Variants in ZFAND3 observed in about 807,000 individuals in gnomAD.
ZFAND3 encodes zinc finger AN1-type containing 3.
In ZFAND3, 10 loss-of-function variants were observed where a neutral mutation model predicts 29.6. The ratio of observed to expected loss-of-function variants is 0.34; its 90% CI spans 0.21 to 0.57. The LOEUF (loss-of-function observed/expected upper bound fraction) is 0.57, where lower values mean the gene tolerates loss of function less well. Ranked by LOEUF, ZFAND3 falls within the 20% of genes least tolerant of loss-of-function variation. The probability of loss-of-function intolerance (pLI) is 0.86; values close to 1 mark genes in which losing one functional copy is unlikely to be tolerated. For synonymous variants in ZFAND3, 128 were observed against 112.6 expected (o/e 1.14, Z -0.87); for missense variants, 230 against 304.5 (o/e 0.76, Z 1.82).
intron 3 of ZFAND3, among the ~76,000 whole-genome samples, chr6:38,063,617 CAGAGT>C (rs1247290398): frequency 6.6e-6 from 1 of 152,108 alleles, no homozygotes; most frequent in Non-Finnish European, 1.5e-5. Flanking sequence ...ACATACTAGA[CAGAGT>C]AGAATGAGCT....
intron 2 of ZFAND3, among the ~76,000 whole-genome samples, chr6:38,010,564 T>C (rs752147011): frequency 3.6e-4 from 54 of 152,090 alleles, no homozygotes; most frequent in Admixed American, 2.9e-3. Context: ...TGGACCTGTT[T>C]TCTGTCACTA....
chr6:38,043,162 A>AT (rs952563493), intron 2 of ZFAND3, among the ~76,000 whole-genome samples: 5 of 151,668 alleles, frequency 3.3e-5, no homozygotes, highest in African/African-American at 1.2e-4. Context: ...GCATGCTGAT[A>AT]TTTCCTTTTC....
chr6:38,095,297 A>G (rs549340386), intron 4 of ZFAND3, among the ~76,000 whole-genome samples: 1 of 152,330 alleles, frequency 6.6e-6, no homozygotes, highest in South Asian at 2.1e-4. Flanking sequence ...GAATGTTACT[A>G]CAGCAAAGCC....
chr6:38,068,650 C>T (rs763614709), intron 3 of ZFAND3, among the ~76,000 whole-genome samples: 51 of 152,116 alleles, frequency 3.4e-4, no homozygotes, highest in Non-Finnish European at 5.7e-4. Context: ...ATCTATAATA[C>T]GGGACTCTGG....
intron 2 of ZFAND3, among the ~76,000 whole-genome samples, chr6:37,969,334 T>C (rs1010404071): frequency 6.6e-6 from 1 of 152,204 alleles, no homozygotes; most frequent in African/African-American, 2.4e-5. Context: ...TACATCCTGG[T>C]AAATCCATTG....
intron 1 of ZFAND3, among the ~76,000 whole-genome samples, chr6:37,820,411 G>T (rs1763643478): frequency 6.6e-6 from 1 of 152,326 alleles, no homozygotes; most frequent in Non-Finnish European, 1.5e-5. Context: ...GTGAGTTGGT[G>T]CCCAGGCACT....
intron 2 of ZFAND3, among the ~76,000 whole-genome samples, chr6:38,005,011 C>T (rs1473354554): frequency 2.6e-5 from 4 of 152,020 alleles, no homozygotes; most frequent in Non-Finnish European, 4.4e-5. Context: ...CATGCAGTTG[C>T]GTGTGTGAAT....
At chr6:38,077,516 A>C (rs1764578243) in intron 3 of ZFAND3, among the ~76,000 whole-genome samples, 1 of 152,262 alleles carries the variant, frequency 6.6e-6, no homozygotes, top group South Asian at 2.1e-4. Flanking sequence ...TTTTACAGTT[A>C]CTATGAAAGG....
chr6:38,113,278 G>T (rs1765354857), intron 4 of ZFAND3, among the ~76,000 whole-genome samples: 1 of 152,206 alleles, frequency 6.6e-6, no homozygotes, highest in Admixed American at 6.5e-5. Flanking sequence ...TTGTACGGAT[G>T]CTGGGACATT....
chr6:38,092,559 T>C (rs1373072784), intron 4 of ZFAND3, among the ~76,000 whole-genome samples: 8 of 152,216 alleles, frequency 5.3e-5, no homozygotes, highest in African/African-American at 1.9e-4. Context: ...GAATTCACTT[T>C]AGAGTCATGG....
intron 2 of ZFAND3, among the ~76,000 whole-genome samples, chr6:38,054,545 T>C (rs967438071): frequency 6.6e-6 from 1 of 152,018 alleles, no homozygotes; most frequent in Non-Finnish European, 1.5e-5. Context: ...TAATTTTTTT[T>C]AAAAAAGAAG....
intron 2 of ZFAND3, among the ~76,000 whole-genome samples, chr6:37,979,749 A>G (rs1466917722): frequency 1.3e-5 from 2 of 152,164 alleles, no homozygotes; most frequent in Non-Finnish European, 2.9e-5. Context: ...ACTTGGCTGA[A>G]TAATCAGGAT....
At chr6:38,128,193 A>G (rs1377299097) in intron 5 of ZFAND3, among the ~76,000 whole-genome samples, 2 of 152,352 alleles carry the variant, frequency 1.3e-5, no homozygotes, top group Admixed American at 6.5e-5. Context: ...AATAAATTAC[A>G]AAGTTTTACT....
intron 2 of ZFAND3, among the ~76,000 whole-genome samples, chr6:37,973,582 A>T (rs1762427359): frequency 6.6e-6 from 1 of 152,194 alleles, no homozygotes; most frequent in Non-Finnish European, 1.5e-5. Flanking sequence ...TTTCCATTTT[A>T]TTTAATTGTA....
At chr6:37,876,334 A>T (rs1764792244) in intron 1 of ZFAND3, among the ~76,000 whole-genome samples, 1 of 152,202 alleles carries the variant, frequency 6.6e-6, no homozygotes, top group South Asian at 2.1e-4. Context: ...ATTTCCTGTT[A>T]AGTAGAGTTA....
intron 2 of ZFAND3, among the ~76,000 whole-genome samples, chr6:38,043,316 T>C (rs939563890): frequency 1.3e-5 from 2 of 151,464 alleles, no homozygotes; most frequent in African/African-American, 4.9e-5. Context: ...GCTAATACCA[T>C]TGACCTTGAT....
chr6:38,098,266 CCT>C (rs911189461), intron 4 of ZFAND3, among the ~76,000 whole-genome samples: 3 of 152,156 alleles, frequency 2.0e-5, no homozygotes, highest in Non-Finnish European at 4.4e-5. Context: ...TCTGCCTCAG[CCT>C]CTGGAGTAGC....
At chr6:37,827,919 A>G (rs1352740771) in intron 1 of ZFAND3, among the ~76,000 whole-genome samples, 1 of 152,232 alleles carries the variant, frequency 6.6e-6, no homozygotes, top group Admixed American at 6.5e-5. Flanking sequence ...TTTTGTTTCC[A>G]GGTTGTGGAT....
intron 1 of ZFAND3, among the ~76,000 whole-genome samples, chr6:37,837,521 T>TG (rs557888430): frequency 2.6e-3 from 398 of 151,632 alleles, no homozygotes; most frequent in African/African-American, 9.1e-3. Context: ...TTTTTTTTTT[T>TG]GAGATAGAAT....
Sources: gnomAD v4.1 joint callset for allele counts (sites outside exome capture counted in the v4.1 genomes callset) on GRCh38, gnomAD v4.1.1 for gene constraint, MANE v1.5 for transcripts, NCBI Gene and HGNC (gene_info 2026-07-23, HGNC 2026-07-21) for gene names.